The following CPSF6 variants were observed in gnomAD, a reference collection of about 807,000 sequenced individuals.
The protein encoded by CPSF6 is cleavage and polyadenylation specific factor 6.
A neutral mutation model predicts 56.7 loss-of-function variants in CPSF6; 10 were observed. The ratio of observed to expected loss-of-function variants is 0.18; its 90% confidence interval spans 0.11 to 0.30. The LOEUF (loss-of-function observed/expected upper bound fraction) is 0.30, where lower values mean the gene tolerates loss of function less well. Among genes scored for constraint, CPSF6 ranks in the 10% least tolerant of loss-of-function variants. The probability of loss-of-function intolerance (pLI) is 1.00; values close to 1 mark genes in which losing one functional copy is unlikely to be tolerated. For synonymous variants in CPSF6, 248 were observed against 244.8 expected (o/e 1.01, Z -0.12); for missense variants, 419 against 722.9 (o/e 0.58, Z 4.82).
Position 69,253,132 on chromosome 12 carries a change from C to A in CPSF6, c.352C>A (p.Arg118=), listed in dbSNP as rs1227467387. 1.3e-6 allele frequency: 2 copies of A among 1,591,454 alleles called. No individual in the cohort carries two copies. Among genetic ancestry groups the A allele is most frequent in the African/African-American group, 2.7e-5 (2 of 73,908 alleles). The change falls in exon 3 of 10, where the codon CGG becomes AGG. Residue 118 remains arginine, a synonymous_variant. Coordinates refer to ENST00000435070, the MANE Select transcript of CPSF6 (RefSeq NM_007007.3). ...TTTGGAGATAAAATTTTTTGAAAAT[C>A]GGGCAAATGGCCAGTCAAAGGGGTA... is the stretch of plus-strand genomic sequence containing the variant. ...DILEIKFFEN[R]ANGQSKGFAL...
In CPSF6 at chr12:69,258,941, G is replaced by A; in HGVS notation, c.1046G>A (p.Gly349Asp). The change falls in exon 6 of 10, where the codon GGT becomes GAT. Residue 349 changes from glycine to aspartate, a missense_variant. Physicochemically the swap from Gly to Asp is moderately conservative, Grantham distance 94. This residue lies in a region of CPSF6 where 211 missense variants were observed against 296.0 expected (regional missense o/e 0.71). Transcript: ENST00000435070. This position sits in a 1 kb window ranked among gnomAD's most constrained non-coding sequence, Gnocchi z 4.2. ...PPPHLPGPPP[G>D]APPPAPHVNP... ...CCGCATCTTCCTGGACCACCTCCAG[G>A]TGCCCCACCGCCAGCTCCGCATGTG... 1 of 1,614,022 alleles carries A rather than the reference G, an allele frequency of 6.2e-7. No homozygotes were observed.
chr12:69,257,911 ACTTTT>A lies in CPSF6; in HGVS notation c.694+10_694+14del, dbSNP rs777112503. The A allele has an allele frequency of 1.3e-6, 2 of 1,590,860 alleles. No homozygotes were observed. Among genetic ancestry groups the A allele is most frequent in the South Asian group, 1.1e-5 (1 of 88,468 alleles). On this transcript the variant is annotated splice_region_variant and intron_variant, in intron 5 of 9. Transcript: ENST00000435070. ...GCCACCCCCACCTTTTCCAGGTAAA[ACTTTT>A]CTTAAATTACCATGGATAAAACATG...
intron 1 of CPSF6, among the ~76,000 whole-genome samples, chr12:69,245,167 C>T (rs1245138672): frequency 6.6e-6 from 1 of 151,392 alleles, no homozygotes; most frequent in Non-Finnish European, 1.5e-5. Context: ...GTAACACAGT[C>T]GCTTATTGTC....
intron 1 of CPSF6, among the ~76,000 whole-genome samples, chr12:69,249,148 T>C (rs1872075133): frequency 4.5e-4 from 1 of 2,224 alleles, no homozygotes; most frequent in Non-Finnish European, 1.1e-3. Flanking sequence ...TAGTCCCAGC[T>C]ACTCGGGGGG....
chr12:69,247,683 T>C (rs968932134), intron 1 of CPSF6, among the ~76,000 whole-genome samples: 15 of 152,198 alleles, frequency 9.9e-5, no homozygotes, highest in Non-Finnish European at 1.9e-4. Flanking sequence ...ACATTTTGCA[T>C]AATTTCTCAT....
Position 69,271,656 on chromosome 12 carries a change from GTTATT to G in CPSF6, c.*2152_*2156del, listed in dbSNP as rs1212942266. On this transcript the variant is annotated 3_prime_UTR_variant, in exon 10 of 10. Transcript: ENST00000435070. ...TACTAGATTTGTTTGCTGCTAATCC[GTTATT>G]TTAAGTGTTGTCAGAAGGAAATAAC... The G allele has an allele frequency of 6.6e-6, 1 of 151,596 alleles. No individual in the cohort carries two copies. The highest frequency in any genetic ancestry group is 1.5e-5 in the Non-Finnish European group (1 of 67,682). 9.4% of individuals were successfully genotyped at this position (151,596 alleles called of 1,614,324 possible).
chr12:69,258,872 G>A lies in CPSF6; in HGVS notation c.977G>A (p.Arg326His), dbSNP rs1319456781. 5.6e-6 allele frequency: 9 copies of A among 1,613,682 alleles called. No homozygotes were observed. Among genetic ancestry groups the A allele is most frequent in the Non-Finnish European group, 7.6e-6 (9 of 1,179,918 alleles). ...CCACCTCCAGGCCCCTTTCCACCTC[G>A]TCCACCCGGTCCACTTGGGCCACCC... is the stretch of plus-strand genomic sequence containing the variant. ...PPPPPGPFPP[R>H]PPGPLGPPLT... Residue 326 changes from arginine to histidine, a missense_variant, in exon 6 of 10, where the codon CGT becomes CAT. Arg to His is a conservative substitution (Grantham distance 29). Transcript: ENST00000435070. The surrounding 1 kb of genome is among the most constrained non-coding windows in gnomAD (Gnocchi z 4.2).
At position 69,271,632 on chromosome 12, in the gene CPSF6, A is replaced by G. The variant is rs755209221; in HGVS notation, c.*2124A>G. On this transcript the variant is annotated 3_prime_UTR_variant, in exon 10 of 10. Transcript: ENST00000435070. ...CTTTCGTTACAGACAGTGTGAGTGTACTAGATTTGTTTGCTGCTAATCCGT... is the reference window on the plus strand; with the variant it reads ...CTTTCGTTACAGACAGTGTGAGTGTGCTAGATTTGTTTGCTGCTAATCCGT... 6.6e-6 allele frequency: 1 copy of G among 151,706 alleles called. No homozygotes were observed. The highest frequency in any genetic ancestry group is 1.5e-5 in the Non-Finnish European group (1 of 67,682). 9.4% of individuals were successfully genotyped at this position (151,706 alleles called of 1,614,324 possible). A position where few individuals can be genotyped will look rare whatever the true frequency, so the allele number is the denominator to read the frequency against.
At chr12:69,251,686 C>A (rs1298065499) in intron 2 of CPSF6, among the ~76,000 whole-genome samples, 2 of 152,030 alleles carry the variant, frequency 1.3e-5, no homozygotes, top group Non-Finnish European at 1.5e-5. Context: ...AACCAGGATT[C>A]AAGTGTAAAA....
At chr12:69,254,685 ATGT>A (rs1872423104) in intron 3 of CPSF6, among the ~76,000 whole-genome samples, 1 of 152,176 alleles carries the variant, frequency 6.6e-6, no homozygotes, top group African/African-American at 2.4e-5. Flanking sequence ...TTTTTTCTAA[ATGT>A]TGTGACCCAA....
intron 1 of CPSF6, among the ~76,000 whole-genome samples, chr12:69,240,258 C>T (rs1871541192): frequency 1.3e-5 from 2 of 152,166 alleles, no homozygotes; most frequent in Admixed American, 6.5e-5. Context: ...CTTTGTATCC[C>T]GCGCGCCCAG....
At position 69,262,541 on chromosome 12, in the gene CPSF6, C is replaced by T. The variant is rs755599410; in HGVS notation, c.1638C>T (p.Arg546=). The change falls in exon 9 of 10, where the codon CGC becomes CGT. Residue 546 remains arginine, a synonymous_variant. Coordinates refer to ENST00000435070, the MANE Select transcript of CPSF6 (RefSeq NM_007007.3). The stretch of plus-strand genomic sequence containing the variant: ...GTGACCGAGAGCGTGACCGAGAGCG[C>T]GAATATCGTCATCGTTAGAAGGTGG... ...RDRDRERDRE[R]EYRHR is the part of the protein sequence containing the mutation. The T allele has an allele frequency of 6.2e-6, 10 of 1,613,110 alleles. No individual in the cohort carries two copies. The highest frequency in any genetic ancestry group is 3.3e-4 in the Middle Eastern group (2 of 6,056).
intron 9 of CPSF6, among the ~76,000 whole-genome samples, chr12:69,266,758 A>G (rs1873006608): frequency 6.6e-6 from 1 of 151,874 alleles, no homozygotes; most frequent in Non-Finnish European, 1.5e-5. Flanking sequence ...TTGGGAACAA[A>G]CCTCATTTTT....
intron 1 of CPSF6, 43 bp downstream of exon 1, chr12:69,239,749 T>C (rs375603688): frequency 5.8e-6 from 9 of 1,541,106 alleles, no homozygotes; most frequent in South Asian, 4.7e-5. Context: ...CGGGCGGCGC[T>C]GCGGCCGGGA....
intron 3 of CPSF6, 116 bp downstream of exon 3, chr12:69,253,270 CATG>C (rs1321221788): frequency 1.4e-5 from 7 of 514,702 alleles, no homozygotes; most frequent in African/African-American, 1.2e-4. Flanking sequence ...ACAAACAACA[CATG>C]ATTGTTTACA....
chr12:69,245,056 G>C (rs763885665), intron 1 of CPSF6, among the ~76,000 whole-genome samples: 5 of 147,832 alleles, frequency 3.4e-5, no homozygotes, highest in African/African-American at 1.3e-4. Flanking sequence ...CCAGGAGTTC[G>C]AGACCAGCTT....
intron 1 of CPSF6, among the ~76,000 whole-genome samples, chr12:69,246,331 A>G (rs538709333): frequency 6.6e-5 from 10 of 152,368 alleles, no homozygotes; most frequent in African/African-American, 2.2e-4. Flanking sequence ...TATGTTTACT[A>G]GAAAACCATC....
chr12:69,265,598 C>CTTTTT (rs56097101), intron 9 of CPSF6, among the ~76,000 whole-genome samples: 4 of 99,800 alleles, frequency 4.0e-5, no homozygotes, highest in Non-Finnish European at 8.1e-5. Context: ...TATCTGATTA[C>CTTTTT]TTTTTTTTTT....
intron 9 of CPSF6, among the ~76,000 whole-genome samples, chr12:69,266,769 C>G (rs1873007293): frequency 6.6e-6 from 1 of 151,964 alleles, no homozygotes; most frequent in Non-Finnish European, 1.5e-5. Context: ...CCTCATTTTT[C>G]TTTGAATGTG....
Sources: gnomAD v4.1 joint callset for allele counts (sites outside exome capture counted in the v4.1 genomes callset) on GRCh38, gnomAD v4.1.1 for gene constraint, gnomAD v4.1.1 regional missense constraint, Gnocchi (gnomAD v3.1) non-coding constraint, MANE v1.5 for transcripts, NCBI Gene and HGNC (gene_info 2026-07-23, HGNC 2026-07-21) for gene names.